The following DLG2 variants were observed in gnomAD, a reference collection of about 807,000 sequenced individuals.
DLG2 encodes the protein disks large homolog 2.
DLG2 carries 45 observed loss-of-function variants against 132.5 expected under a neutral mutation model. The observed-to-expected ratio is 0.34, with a 90% CI of 0.27 to 0.44. The LOEUF (loss-of-function observed/expected upper bound fraction) is 0.44. DLG2 is among the 20% of genes least tolerant of loss of function. The probability of loss-of-function intolerance (pLI) is 1.00; values close to 1 mark genes in which losing one functional copy is unlikely to be tolerated. For missense variants in DLG2, 1,045 were observed against 1,196.9 expected, an observed-to-expected ratio of 0.87 and a Z score of 1.87; for synonymous variants, 424 against 419.6, an observed-to-expected ratio of 1.01 and a Z score of -0.13.
rs76195690 is a variant in DLG2, at chr11:84,303,964, T to A, written c.520-52673A>T. ...AATCAAGAACACTTTATTAACTTAC[T>A]GTTACGTGCTAAGCACTAGGGAAAC... On this transcript the variant is annotated intron_variant, in intron 7 of 27. Transcript: ENST00000376104. Among the ~76,000 whole-genome samples, 1,165 of 152,316 alleles carry A rather than the reference T, an allele frequency of 7.6e-3. 14 individuals are homozygous for A. Among genetic ancestry groups the A allele is most frequent in the African/African-American group, 0.026 (1,086 of 41,576 alleles).
chr11:84,166,645 T>G (rs936666846), intron 8 of DLG2, among the ~76,000 whole-genome samples: 1 of 152,198 alleles, frequency 6.6e-6, no homozygotes, highest in African/African-American at 2.4e-5. Context: ...ATTTCGACTT[T>G]ATTTCTAAAT....
chr11:85,245,160 G>T (rs193077259), intron 4 of DLG2, among the ~76,000 whole-genome samples: 1 of 151,946 alleles, frequency 6.6e-6, no homozygotes, highest in Admixed American at 6.6e-5. Flanking sequence ...CATCAAGAAG[G>T]AAATAAAACT....
At chr11:85,204,553 G>C (rs1187417875) in intron 4 of DLG2, among the ~76,000 whole-genome samples, 1 of 151,864 alleles carries the variant, frequency 6.6e-6, no homozygotes, top group Non-Finnish European at 1.5e-5. Flanking sequence ...CAAACAAATA[G>C]AAAGATATCC....
At chr11:83,678,709 C>T (rs1489116946) in intron 18 of DLG2, among the ~76,000 whole-genome samples, 40 of 152,128 alleles carry the variant, frequency 2.6e-4, no homozygotes, top group Non-Finnish European at 2.9e-5. Flanking sequence ...TAAGTGAGCC[C>T]ATCCTCTTGG....
intron 7 of DLG2, among the ~76,000 whole-genome samples, chr11:84,360,996 G>T (rs931980001): frequency 1.3e-5 from 2 of 151,618 alleles, no homozygotes; most frequent in African/African-American, 4.8e-5. Context: ...CACTAGATGG[G>T]ATCAACCACA....
At chr11:84,310,856 C>T (rs1182969336) in intron 7 of DLG2, among the ~76,000 whole-genome samples, 1 of 152,194 alleles carries the variant, frequency 6.6e-6, no homozygotes, top group Non-Finnish European at 1.5e-5. Context: ...AAGTCCTCCG[C>T]ACTCAAGTTG....
intron 18 of DLG2, among the ~76,000 whole-genome samples, chr11:83,712,832 G>T (rs1310176710): frequency 3.3e-5 from 5 of 152,100 alleles, no homozygotes; most frequent in Non-Finnish European, 7.4e-5. Context: ...GGCACGGAGA[G>T]CATCAGGAAG....
At chr11:84,981,792 T>G (rs1320984190) in intron 6 of DLG2, among the ~76,000 whole-genome samples, 3 of 152,040 alleles carry the variant, frequency 2.0e-5, no homozygotes, top group African/African-American at 7.2e-5. Context: ...GAAATGGTTG[T>G]CAATATTCAC....
chr11:84,192,574 CA>C (rs1481001440), intron 8 of DLG2, among the ~76,000 whole-genome samples: 1 of 151,604 alleles, frequency 6.6e-6, no homozygotes, highest in African/African-American at 2.4e-5. Flanking sequence ...AATAAAAATA[CA>C]AAAAATTAGC....
intron 6 of DLG2, among the ~76,000 whole-genome samples, chr11:84,750,724 C>A (rs932175960): frequency 4.6e-5 from 7 of 152,036 alleles, no homozygotes; most frequent in Admixed American, 3.9e-4. Flanking sequence ...TCAATTACTT[C>A]ATATTGATAC....
chr11:84,881,153 G>A (rs1056487162), intron 6 of DLG2, among the ~76,000 whole-genome samples: 1 of 152,080 alleles, frequency 6.6e-6, no homozygotes, highest in Non-Finnish European at 1.5e-5. Flanking sequence ...ATTAGTAAGT[G>A]CCTGCTGATC....
intron 3 of DLG2, among the ~76,000 whole-genome samples, chr11:85,572,856 G>A (rs2153225798): frequency 6.6e-6 from 1 of 152,298 alleles, no homozygotes; most frequent in African/African-American, 2.4e-5. Flanking sequence ...ATATAGTTTG[G>A]ATGTCCTGCC....
intron 11 of DLG2, among the ~76,000 whole-genome samples, chr11:84,013,120 C>G (rs1382895920): frequency 1.3e-5 from 2 of 152,082 alleles, no homozygotes. Flanking sequence ...ACTAAGACCT[C>G]CAGAAATGAA....
intron 11 of DLG2, among the ~76,000 whole-genome samples, chr11:84,042,959 T>C (rs566757955): frequency 1.7e-4 from 26 of 151,840 alleles, no homozygotes; most frequent in African/African-American, 5.8e-4. Context: ...ATTCTTAAGA[T>C]ATTTTGGGGT....
chr11:85,118,905 A>G (rs115622275), intron 5 of DLG2, among the ~76,000 whole-genome samples: 37 of 151,860 alleles, frequency 2.4e-4, no homozygotes, highest in African/African-American at 8.7e-4. Context: ...TATAATATAT[A>G]TAACATATAT....
intron 19 of DLG2, among the ~76,000 whole-genome samples, chr11:83,604,756 T>C (rs1050892665): frequency 2.0e-5 from 3 of 152,142 alleles, no homozygotes; most frequent in Non-Finnish European, 2.9e-5. Context: ...GGGCAGGGTA[T>C]ATGGAAATCT....
At chr11:84,118,010 C>T (rs2093718256) in intron 9 of DLG2, among the ~76,000 whole-genome samples, 1 of 151,966 alleles carries the variant, frequency 6.6e-6, no homozygotes, top group Non-Finnish European at 1.5e-5. Context: ...CACGTGCCAC[C>T]ACCCTCAGCT....
At chr11:84,273,820 C>G (rs571836741) in intron 7 of DLG2, among the ~76,000 whole-genome samples, 1 of 152,240 alleles carries the variant, frequency 6.6e-6, no homozygotes, top group South Asian at 2.1e-4. Flanking sequence ...TAGTTAAGAG[C>G]TAGATGTGAC....
intron 6 of DLG2, among the ~76,000 whole-genome samples, chr11:84,806,823 T>C (rs1277992729): frequency 6.6e-6 from 1 of 152,202 alleles, no homozygotes; most frequent in East Asian, 1.9e-4. Context: ...TCCTACATTA[T>C]ATTTGATGGT....
Sources: gnomAD v4.1 joint callset for allele counts (sites outside exome capture counted in the v4.1 genomes callset) on GRCh38, gnomAD v4.1.1 for gene constraint, MANE v1.5 for transcripts, NCBI Gene and HGNC (gene_info 2026-07-23, HGNC 2026-07-21) for gene names.